The following TRPC5 variants were observed in gnomAD, a reference collection of about 807,000 sequenced individuals.
TRPC5 encodes short transient receptor potential channel 5.
TRPC5 carries 9 observed loss-of-function variants against 56.5 expected under a neutral mutation model. The observed-to-expected ratio is 0.16, with a 90% confidence interval of 0.10 to 0.28. TRPC5 has a LOEUF of 0.28. Ranked by LOEUF, TRPC5 falls within the 10% of genes least tolerant of loss-of-function variation. The pLI, the probability that TRPC5 is intolerant of heterozygous loss-of-function variation, is 1.00. For missense variants in TRPC5, 469 were observed against 748.9 expected, an observed-to-expected ratio of 0.63 and a Z score of 4.36; for synonymous variants, 282 against 278.5, an observed-to-expected ratio of 1.01 and a Z score of -0.13.
rs1344773026 is a variant in TRPC5 at position 111,912,582 on chromosome X, C to T, written c.609G>A (p.Leu203=). Residue 203 remains leucine (L), a synonymous_variant, in exon 3 of 11, where the codon CTG becomes CTA. Transcript: ENST00000262839. ...SRSRLNIYKA[L]ASPSLIALSS... is the part of the protein sequence containing the mutation. Reference sequence around the variant, plus strand: ...ATAAGGCAATGAGTGAGGGGCTTGCCAGAGCCTTATAGATGTTCAGTCGGG... The same window carrying T: ...ATAAGGCAATGAGTGAGGGGCTTGCTAGAGCCTTATAGATGTTCAGTCGGG... The T allele has an allele frequency of 8.3e-7, 1 of 1,211,777 alleles. No homozygotes were observed.
At chrX:111,796,280 T>G (rs1275011768) in intron 7 of TRPC5, among the ~76,000 whole-genome samples, 1 of 112,180 alleles carries the variant, frequency 8.9e-6, no homozygotes, top group Non-Finnish European at 1.9e-5. Context: ...TATGTCATAT[T>G]TAAAACACAT....
intron 7 of TRPC5, among the ~76,000 whole-genome samples, chrX:111,786,613 G>A (rs1281001673): frequency 9.0e-6 from 1 of 110,777 alleles, no homozygotes; most frequent in Non-Finnish European, 1.9e-5. Context: ...AGAAGACACA[G>A]ACTGGCAAAT....
At chrX:111,791,523 C>T (rs1277189650) in intron 7 of TRPC5, among the ~76,000 whole-genome samples, 1 of 112,420 alleles carries the variant, frequency 8.9e-6, no homozygotes, top group Non-Finnish European at 1.9e-5. Flanking sequence ...TTAATTTCCA[C>T]AGGAATAGGC....
At chrX:112,045,428 C>A (rs1381348923) in intron 1 of TRPC5, among the ~76,000 whole-genome samples, 1 of 111,577 alleles carries the variant, frequency 9.0e-6, no homozygotes, top group Non-Finnish European at 1.9e-5. Context: ...GTGATTTTGG[C>A]CCAGTGGTAC....
At chrX:111,893,037 C>T (rs1237387788) in intron 3 of TRPC5, among the ~76,000 whole-genome samples, 2 of 109,739 alleles carry the variant, frequency 1.8e-5, no homozygotes, top group East Asian at 2.8e-4. Flanking sequence ...AGCTTAGCAA[C>T]CTTCTAGTTA....
At chrX:112,007,422 AT>A (rs200957242) in intron 1 of TRPC5, among the ~76,000 whole-genome samples, 2,257 of 111,202 alleles carry the variant, frequency 0.02, 28 homozygotes, top group Middle Eastern at 0.051. Context: ...GATTTAAGAG[AT>A]TTTTTTAGTT....
chrX:111,793,291 C>T (rs1330917434), intron 7 of TRPC5, among the ~76,000 whole-genome samples: 1 of 111,288 alleles, frequency 9.0e-6, no homozygotes, highest in Non-Finnish European at 1.9e-5. Context: ...AGGCTGTTCT[C>T]GCATTGCTAT....
At chrX:112,058,823 G>A (rs1218933728) in intron 1 of TRPC5, among the ~76,000 whole-genome samples, 1 of 111,421 alleles carries the variant, frequency 9.0e-6, no homozygotes, top group Non-Finnish European at 1.9e-5. Flanking sequence ...TACATAATAG[G>A]CACTGTTCTA....
intron 1 of TRPC5, among the ~76,000 whole-genome samples, chrX:112,067,288 G>A (rs181478583): frequency 2.6e-4 from 29 of 112,487 alleles, no homozygotes; most frequent in Admixed American, 6.5e-4. Context: ...TCCTTCCCTT[G>A]TCACCTCTCT....
chrX:111,892,164 A>G (rs1002796463), intron 3 of TRPC5, among the ~76,000 whole-genome samples: 5 of 112,109 alleles, frequency 4.5e-5, no homozygotes, highest in African/African-American at 1.6e-4. Flanking sequence ...CTCTTATCAA[A>G]TTTCTGAGAT....
At chrX:111,798,481 G>A (rs1218712106) in intron 7 of TRPC5, among the ~76,000 whole-genome samples, 5 of 111,379 alleles carry the variant, frequency 4.5e-5, no homozygotes, top group Non-Finnish European at 7.5e-5. Context: ...GGATAACACC[G>A]GGGGGCCATA....
At chrX:111,867,814 C>T (rs768505087) in intron 3 of TRPC5, among the ~76,000 whole-genome samples, 6 of 112,100 alleles carry the variant, frequency 5.4e-5, no homozygotes, top group Non-Finnish European at 1.1e-4. Context: ...TCTTCCCCGC[C>T]GTAGCATCCC....
intron 7 of TRPC5, among the ~76,000 whole-genome samples, chrX:111,822,839 A>G (rs1461115350): frequency 9.0e-6 from 1 of 111,566 alleles, no homozygotes; most frequent in Non-Finnish European, 1.9e-5. Context: ...CCTTTCTGTC[A>G]CTGGCATTGT....
intron 3 of TRPC5, among the ~76,000 whole-genome samples, chrX:111,880,616 A>G (rs191611832): frequency 1.8e-5 from 2 of 112,617 alleles, no homozygotes; most frequent in African/African-American, 6.4e-5. Flanking sequence ...AGTTTAACTT[A>G]TAACTTGGTA....
chrX:111,882,461 A>G (rs1016108472), intron 3 of TRPC5, among the ~76,000 whole-genome samples: 1 of 112,602 alleles, frequency 8.9e-6, no homozygotes, highest in Non-Finnish European at 1.9e-5. Context: ...GAGGTAGTAT[A>G]TTATTGAGGT....
intron 10 of TRPC5, among the ~76,000 whole-genome samples, 158 bp downstream of exon 10, chrX:111,778,827 T>G (rs186607150): frequency 6.2e-4 from 70 of 112,058 alleles, no homozygotes; most frequent in African/African-American, 2.2e-3. Flanking sequence ...AATCTCTCCG[T>G]CTACTGGATG....
chrX:111,870,943 G>C lies in TRPC5; in HGVS notation c.901-16837C>G, dbSNP rs768060534. 3.6e-5 allele frequency among the ~76,000 whole-genome samples: 4 copies of C among 111,606 alleles called. No individual in the cohort carries two copies. In the East Asian group the frequency reaches 1.1e-3, roughly 32 times the overall value. Reference sequence around the variant, plus strand: ...TGGGGTATGTGGAAGACAAAGTGAGGTATACTCAAGTAGTTTTTACATTTA... The same window carrying C: ...TGGGGTATGTGGAAGACAAAGTGAGCTATACTCAAGTAGTTTTTACATTTA... On this transcript the variant is annotated intron_variant, in intron 3 of 10. Coordinates refer to ENST00000262839, the MANE Select transcript of TRPC5 (RefSeq NM_012471.3).
At chrX:112,021,714 C>G (rs760696806) in intron 1 of TRPC5, among the ~76,000 whole-genome samples, 19 of 112,194 alleles carry the variant, frequency 1.7e-4, no homozygotes, top group African/African-American at 6.1e-4. Context: ...TATACCTGTT[C>G]TAAATAAAGA....
rs978299373 is a variant in TRPC5, at chrX:111,779,191, T to C, written c.2143-117A>G. 9.5e-6 allele frequency: 4 copies of C among 418,983 alleles called. No individual in the cohort carries two copies. In the African/African-American group the frequency reaches 1.0e-4, roughly 11 times the overall value. The allele number at this position is 418,983 out of a possible 1,213,427, so 34.5% of individuals were successfully genotyped here. A position where few individuals can be genotyped will look rare whatever the true frequency, so the allele number is the denominator to read the frequency against. On this transcript the variant is annotated intron_variant, in intron 9 of 10. Transcript: ENST00000262839. ...CCTTCTTTGCAGTAGAAAATCCTCA[T>C]AGGATCCAGCCTTTTATTGTAAAAA...
Sources: allele counts gnomAD v4.1 joint callset (sites outside exome capture counted in the v4.1 genomes callset), GRCh38; gene constraint gnomAD v4.1.1; transcripts MANE v1.5; gene names NCBI Gene and HGNC (gene_info 2026-07-23, HGNC 2026-07-21).